Variants in TCERG1L observed in about 807,000 individuals in gnomAD.
TCERG1L encodes the protein transcription elongation regulator 1-like protein.
A neutral mutation model predicts 56.3 loss-of-function variants in TCERG1L; 37 were observed. The ratio of observed to expected loss-of-function variants is 0.66; its 90% CI spans 0.51 to 0.87. The LOEUF is 0.87. Ranked by LOEUF, TCERG1L falls within the 40% of genes least tolerant of loss-of-function variation. The probability of loss-of-function intolerance (pLI) is 0.00; values close to 1 mark genes in which losing one functional copy is unlikely to be tolerated. For synonymous variants in TCERG1L, 324 were observed against 326.3 expected (o/e 0.99, Z 0.08); for missense variants, 799 against 774.2 (o/e 1.03, Z -0.38).
intron 3 of TCERG1L, among the ~76,000 whole-genome samples, chr10:131,278,868 G>A (rs1846422973): frequency 6.6e-6 from 1 of 152,092 alleles, no homozygotes; most frequent in Non-Finnish European, 1.5e-5. Flanking sequence ...GGGGCCTCGG[G>A]TCCCCTGAAA....
intron 6 of TCERG1L, chr10:131,162,433 C>G (rs1009468361): frequency 2.0e-5 from 3 of 152,360 alleles, no homozygotes; most frequent in Middle Eastern, 3.4e-3. Flanking sequence ...GGGATGTGCT[C>G]ACTCGCTATG....
rs1342888001 is a variant in TCERG1L, at chr10:131,092,519, A to G, written c.*643T>C. The G allele has an allele frequency of 1.3e-5, 2 of 152,794 alleles. No homozygotes were observed. The highest frequency in any genetic ancestry group is 1.9e-4 in the East Asian group (1 of 5,186). 9.5% of individuals were successfully genotyped at this position (152,794 alleles called of 1,614,324 possible). A position where few individuals can be genotyped will look rare whatever the true frequency, so the allele number is the denominator to read the frequency against. ...AAATATTAATATGATGATTTTGTACAAAATAATTCTTTTGAAGTAGGACCG... is the reference window on the plus strand; with the variant it reads ...AAATATTAATATGATGATTTTGTACGAAATAATTCTTTTGAAGTAGGACCG... On this transcript the variant is annotated 3_prime_UTR_variant, in exon 12 of 12. Coordinates refer to ENST00000368642, the MANE Select transcript of TCERG1L (RefSeq NM_174937.4).
intron 8 of TCERG1L, among the ~76,000 whole-genome samples, chr10:131,117,991 C>T (rs1564795189): frequency 6.6e-6 from 1 of 152,158 alleles, no homozygotes; most frequent in South Asian, 2.1e-4. Flanking sequence ...CCACCCGCCC[C>T]TCAGGATGCA....
In TCERG1L at chr10:131,259,107, T is replaced by G. The variant is rs12258837; in HGVS notation, c.856+1152A>C. ...AATATCCGACTTATCAACTAATTCA[T>G]CAAACCAGCATAGAAATAGCGAACG... On this transcript the variant is annotated intron_variant, in intron 4 of 11. Coordinates refer to ENST00000368642, the MANE Select transcript of TCERG1L (RefSeq NM_174937.4). Among the ~76,000 whole-genome samples the G allele has an allele frequency of 6.5e-3, 990 of 152,312 alleles. 10 individuals are homozygous for G. The highest frequency in any genetic ancestry group is 0.022 in the African/African-American group (934 of 41,572).
intron 6 of TCERG1L, chr10:131,156,114 C>G (rs532972358): frequency 6.6e-6 from 1 of 152,118 alleles, no homozygotes; most frequent in Non-Finnish European, 1.5e-5. Flanking sequence ...CTGATGTGAC[C>G]GAGCCCCGCA....
At chr10:131,253,283 G>A (rs1026807384) in intron 4 of TCERG1L, among the ~76,000 whole-genome samples, 1 of 152,148 alleles carries the variant, frequency 6.6e-6, no homozygotes, top group African/African-American at 2.4e-5. Flanking sequence ...CGACATCCTG[G>A]GAAAATCCTC....
At chr10:131,258,440 G>GCCCTCACCAGGGGCGC (rs1282905957) in intron 4 of TCERG1L, among the ~76,000 whole-genome samples, 1 of 152,164 alleles carries the variant, frequency 6.6e-6, no homozygotes, top group African/African-American at 2.4e-5. Flanking sequence ...TCCCAATGGA[G>GCCCTCACCAGGGGCGC]CCCTCACCAG....
At chr10:131,290,220 GGTGT>G (rs541386834) in intron 3 of TCERG1L, among the ~76,000 whole-genome samples, 1 of 148,180 alleles carries the variant, frequency 6.7e-6, no homozygotes, top group Non-Finnish European at 1.5e-5. Flanking sequence ...ATCTCCTATC[GGTGT>G]GTGTGAGAGT....
At chr10:131,127,709 C>T (rs756194831) in intron 8 of TCERG1L, among the ~76,000 whole-genome samples, 13 of 152,086 alleles carry the variant, frequency 8.5e-5, no homozygotes, top group East Asian at 1.9e-4. Context: ...GGAGGGAGTC[C>T]CGGAACCACA....
intron 8 of TCERG1L, among the ~76,000 whole-genome samples, chr10:131,126,105 C>T (rs1845562927): frequency 6.6e-6 from 1 of 152,236 alleles, no homozygotes; most frequent in Non-Finnish European, 1.5e-5. Context: ...CCTAGCACCC[C>T]TGCTTCTGCC....
chr10:131,234,726 G>T (rs1462216596), intron 4 of TCERG1L, among the ~76,000 whole-genome samples: 1 of 145,718 alleles, frequency 6.9e-6, no homozygotes, highest in Non-Finnish European at 1.5e-5. Context: ...TTTTGAGACG[G>T]AGTCTTCTTG....
chr10:131,181,211 C>T (rs1248109454), intron 4 of TCERG1L, among the ~76,000 whole-genome samples: 1 of 35,722 alleles, frequency 2.8e-5, no homozygotes, highest in African/African-American at 1.2e-4. Flanking sequence ...CTGAGGGCCA[C>T]TGGGGCCAGA....
intron 3 of TCERG1L, among the ~76,000 whole-genome samples, chr10:131,282,716 T>C (rs1465842106): frequency 6.6e-6 from 1 of 152,216 alleles, no homozygotes; most frequent in Non-Finnish European, 1.5e-5. Context: ...AATTGATCGA[T>C]ATTTATCAAG....
In TCERG1L at chr10:131,122,349, TAG is replaced by T. The variant is rs547290754; in HGVS notation, c.1260-5417_1260-5416del. On this transcript the variant is annotated intron_variant, in intron 8 of 11. Coordinates refer to ENST00000368642, the MANE Select transcript of TCERG1L (RefSeq NM_174937.4). Reference sequence around the variant, plus strand: ...GTCAGGAAACACCAGCCCTGAAGATTAGAGAGTTGGAATGTCCAGGCCCACCC... The same window carrying T: ...GTCAGGAAACACCAGCCCTGAAGATTAGAGTTGGAATGTCCAGGCCCACCC... Among the ~76,000 whole-genome samples, 44 of 152,254 alleles carry T rather than the reference TAG, an allele frequency of 2.9e-4. No homozygotes were observed. In the East Asian group the frequency reaches 7.9e-3, roughly 27 times the overall value.
At chr10:131,233,823 G>C (rs937909946) in intron 4 of TCERG1L, among the ~76,000 whole-genome samples, 2 of 152,188 alleles carry the variant, frequency 1.3e-5, no homozygotes, top group African/African-American at 4.8e-5. Flanking sequence ...GGTGGGGCCT[G>C]GGGAAGCTGG....
At chr10:131,180,918 C>T (rs1845167819) in intron 4 of TCERG1L, among the ~76,000 whole-genome samples, 1 of 152,078 alleles carries the variant, frequency 6.6e-6, no homozygotes, top group African/African-American at 2.4e-5. Flanking sequence ...TCGCTGACTG[C>T]ATCCTATTAT....
intron 4 of TCERG1L, among the ~76,000 whole-genome samples, chr10:131,209,936 C>T (rs1416100007): frequency 6.6e-6 from 1 of 152,142 alleles, no homozygotes; most frequent in East Asian, 1.9e-4. Context: ...ATATATTTTA[C>T]ACCTAGAAAT....
chr10:131,299,118 T>G (rs1564836679), intron 3 of TCERG1L, among the ~76,000 whole-genome samples: 1 of 152,184 alleles, frequency 6.6e-6, no homozygotes, highest in Non-Finnish European at 1.5e-5. Context: ...GAAATCTAAT[T>G]TGTCAAATAT....
intron 4 of TCERG1L, among the ~76,000 whole-genome samples, chr10:131,216,326 C>T (rs916174065): frequency 2.6e-5 from 4 of 152,152 alleles, no homozygotes; most frequent in African/African-American, 7.2e-5. Context: ...ATAGGCATCA[C>T]TTTGGAAGCA....
Sources: gnomAD v4.1 joint callset for allele counts (sites outside exome capture counted in the v4.1 genomes callset) on GRCh38, gnomAD v4.1.1 for gene constraint, MANE v1.5 for transcripts, NCBI Gene and HGNC (gene_info 2026-07-23, HGNC 2026-07-21) for gene names.